The following ELF2 variants were observed in gnomAD, a reference collection of about 807,000 sequenced individuals.
ELF2 encodes E74 like ETS transcription factor 2.
A neutral mutation model predicts 54.8 loss-of-function variants in ELF2; 11 were observed. That is an observed-to-expected ratio of 0.20 (90% confidence interval 0.13 to 0.33). The LOEUF is 0.33. ELF2 is among the 10% of genes least tolerant of loss of function. ELF2 has a pLI of 1.00. For synonymous variants in ELF2, 203 were observed against 245.1 expected (o/e 0.83, Z 1.61); for missense variants, 513 against 703.0 (o/e 0.73, Z 3.06).
chr4:139,139,050 A>G (rs956274509), intron 2 of ELF2, among the ~76,000 whole-genome samples: 1 of 152,204 alleles, frequency 6.6e-6, no homozygotes, highest in Non-Finnish European at 1.5e-5. Context: ...TTTCATGTCA[A>G]AAAGAATGCA....
intron 6 of ELF2, among the ~76,000 whole-genome samples, chr4:139,070,362 C>T (rs556344186): frequency 4.7e-4 from 71 of 151,494 alleles, no homozygotes; most frequent in African/African-American, 1.6e-3. Context: ...GCAATCTCGG[C>T]TCACTACAAC....
At chr4:139,108,170 C>T (rs1021487504) in intron 4 of ELF2, among the ~76,000 whole-genome samples, 91 of 152,252 alleles carry the variant, frequency 6.0e-4, no homozygotes, top group African/African-American at 2.1e-3. Context: ...ATACTAGCAG[C>T]AGTATGAAGA....
At chr4:139,170,744 AT>A (rs1282195756) in intron 1 of ELF2, among the ~76,000 whole-genome samples, 29 of 73,288 alleles carry the variant, frequency 4.0e-4, no homozygotes, top group Middle Eastern at 0.013. Context: ...TATATTAATT[AT>A]ATTATATTAT....
chr4:139,136,419 CAA>C (rs897033287), intron 3 of ELF2, among the ~76,000 whole-genome samples: 2 of 145,032 alleles, frequency 1.4e-5, no homozygotes, highest in East Asian at 2.0e-4. Flanking sequence ...CACCAAGGAG[CAA>C]AAAAAAAAGA....
intron 1 of ELF2, among the ~76,000 whole-genome samples, chr4:139,170,259 C>CTTTTTT: frequency 1.1e-5 from 1 of 89,306 alleles, no homozygotes; most frequent in Non-Finnish European, 2.0e-5. Flanking sequence ...TCTTAATCGC[C>CTTTTTT]TTTTTTTTTT....
chr4:139,071,507 T>C (rs974143816), intron 6 of ELF2, among the ~76,000 whole-genome samples: 1 of 151,650 alleles, frequency 6.6e-6, no homozygotes, highest in Non-Finnish European at 1.5e-5. Context: ...GAATAAAATG[T>C]TGTGCGTGTG....
At chr4:139,166,684 T>C (rs553951231) in intron 1 of ELF2, among the ~76,000 whole-genome samples, 106 of 152,000 alleles carry the variant, frequency 7.0e-4, no homozygotes, top group Non-Finnish European at 1.3e-3. Flanking sequence ...CTGGCTAACA[T>C]AGTGAAACCC....
At chr4:139,112,685 A>G (rs1227657669) in intron 4 of ELF2, among the ~76,000 whole-genome samples, 3 of 152,286 alleles carry the variant, frequency 2.0e-5, no homozygotes, top group Non-Finnish European at 4.4e-5. Flanking sequence ...ATTTAGATAC[A>G]CTGTTGTATA....
chr4:139,143,351 A>T (rs76353721), intron 1 of ELF2, among the ~76,000 whole-genome samples: 11 of 152,318 alleles, frequency 7.2e-5, no homozygotes, highest in Admixed American at 3.3e-4. Context: ...ACACAAAGAA[A>T]TGAGTAGATA....
intron 4 of ELF2, chr4:139,115,522 C>A: frequency 1.2e-5 from 5 of 410,544 alleles, no homozygotes; most frequent in Non-Finnish European, 1.6e-5. Flanking sequence ...GCCCCCGGGC[C>A]TGGCCTGGCC....
intron 7 of ELF2, among the ~76,000 whole-genome samples, chr4:139,065,648 A>C (rs571381944): frequency 6.6e-6 from 1 of 152,216 alleles, no homozygotes; most frequent in African/African-American, 2.4e-5. Context: ...AACAGCTTCA[A>C]TTAATTACAT....
At chr4:139,158,573 T>A (rs1346378120) in intron 1 of ELF2, among the ~76,000 whole-genome samples, 1 of 152,016 alleles carries the variant, frequency 6.6e-6, no homozygotes, top group Non-Finnish European at 1.5e-5. Context: ...TAAGGGGCGA[T>A]ATTGTGGGGT....
chr4:139,158,500 C>T (rs1000554889), intron 1 of ELF2, among the ~76,000 whole-genome samples: 16 of 151,996 alleles, frequency 1.1e-4, no homozygotes, highest in Middle Eastern at 3.4e-3. Context: ...CTGCTTCAAG[C>T]GGGATTAGGG....
rs1283095471 is a variant in ELF2, at chr4:139,134,585, T to G, written c.72+3045A>C. ...TTATGTTATTTTATTTTATGTTATA[T>G]TTATTTTATTTTATTTTATTTTATT... On this transcript the variant is annotated intron_variant, in intron 3 of 9. Coordinates refer to ENST00000686138, the MANE Select transcript of ELF2 (RefSeq NM_001331036.3). 2.9e-3 allele frequency among the ~76,000 whole-genome samples: 50 copies of G among 17,088 alleles called. No homozygotes were observed. The Middle Eastern group carries it at 0.17, about 57-fold the overall frequency. 11.2% of individuals were successfully genotyped at this position (17,088 alleles called of 152,430 possible).
At chr4:139,074,412 G>A (rs781562883) in intron 4 of ELF2, among the ~76,000 whole-genome samples, 8 of 152,114 alleles carry the variant, frequency 5.3e-5, no homozygotes, top group Non-Finnish European at 1.2e-4. Context: ...TGACTGAGTA[G>A]AGTAAGCCCT....
intron 1 of ELF2, among the ~76,000 whole-genome samples, chr4:139,159,466 T>C (rs746165416): frequency 2.0e-5 from 3 of 152,090 alleles, no homozygotes; most frequent in Non-Finnish European, 4.4e-5. Flanking sequence ...TAGGTGAAGT[T>C]TCAATGGAGG....
At chr4:139,163,268 G>T (rs1741352488) in intron 1 of ELF2, among the ~76,000 whole-genome samples, 1 of 151,674 alleles carries the variant, frequency 6.6e-6, no homozygotes, top group Non-Finnish European at 1.5e-5. Flanking sequence ...AAAATTATGA[G>T]AAAAGCATAA....
chr4:139,076,906 TAC>T (rs1185658308), intron 4 of ELF2, among the ~76,000 whole-genome samples: 2 of 152,190 alleles, frequency 1.3e-5, no homozygotes, highest in African/African-American at 4.8e-5. Flanking sequence ...ATTTTATATT[TAC>T]AGAGTAAAAT....
At chr4:139,082,512 T>C (rs912114157) in intron 4 of ELF2, among the ~76,000 whole-genome samples, 1 of 152,212 alleles carries the variant, frequency 6.6e-6, no homozygotes, top group African/African-American at 2.4e-5. Flanking sequence ...TTTTACATTT[T>C]ATAGAATAAA....
Sources: allele counts gnomAD v4.1 joint callset (sites outside exome capture counted in the v4.1 genomes callset), GRCh38; gene constraint gnomAD v4.1.1; transcripts MANE v1.5; gene names NCBI Gene and HGNC (gene_info 2026-07-23, HGNC 2026-07-21).